ODF2L: variants seen among roughly 807,000 people sequenced by gnomAD.
ODF2L encodes the protein outer dense fiber of sperm tails 2 like.
Under a neutral mutation model 86.3 loss-of-function variants are expected in ODF2L, and 76 were observed. The observed-to-expected ratio is 0.88, with a 90% CI of 0.73 to 1.07. ODF2L has a LOEUF of 1.07. ODF2L is among the 50% of genes least tolerant of loss of function. ODF2L has a pLI of 0.00. For missense variants in ODF2L, 748 were observed against 717.4 expected (o/e 1.04, Z -0.49); for synonymous variants, 241 against 231.3 (o/e 1.04, Z -0.38).
At chr1:86,394,861 GAC>G (rs1558075094) in intron 1 of ODF2L, among the ~76,000 whole-genome samples, 2 of 76,920 alleles carry the variant, frequency 2.6e-5, no homozygotes. Context: ...TTTTTTTTGA[GAC>G]AGAGTCTCGC....
chr1:86,354,493 AT>A (rs1422615701), intron 16 of ODF2L, 36 bp downstream of exon 15: 2 of 1,381,584 alleles, frequency 1.4e-6, no homozygotes, highest in Non-Finnish European at 2.0e-6. Context: ...TCTTTGGTAA[AT>A]GAATTAAAAA....
intron 4 of ODF2L, 29 bp from the exon 5 acceptor site, chr1:86,383,225 T>C (rs368090495): frequency 2.3e-5 from 27 of 1,190,014 alleles, no homozygotes; most frequent in African/African-American, 1.9e-4. Context: ...AAATCAGTGA[T>C]CGCAAATTAT....
chr1:86,381,310 TCA>T (rs1044378635), intron 7 of ODF2L, among the ~76,000 whole-genome samples: 5 of 152,000 alleles, frequency 3.3e-5, no homozygotes, highest in African/African-American at 4.8e-5. Flanking sequence ...ATGTATTCAA[TCA>T]CATGTGTTCT....
intron 16 of ODF2L, among the ~76,000 whole-genome samples, 182 bp downstream of exon 15, chr1:86,354,348 T>A (rs1188940978): frequency 6.6e-6 from 1 of 152,222 alleles, no homozygotes; most frequent in Non-Finnish European, 1.5e-5. Flanking sequence ...TCTAGTGAAG[T>A]AGCTCTAGCC....
intron 1 of ODF2L, among the ~76,000 whole-genome samples, chr1:86,388,261 A>T (rs1164297139): frequency 2.6e-5 from 4 of 152,126 alleles, no homozygotes; most frequent in Admixed American, 2.6e-4. Flanking sequence ...CAAGTATACA[A>T]AATAAAATAA....
intron 10 of ODF2L, among the ~76,000 whole-genome samples, chr1:86,370,292 T>A (rs1320231647): frequency 6.6e-6 from 1 of 152,106 alleles, no homozygotes; most frequent in Non-Finnish European, 1.5e-5. Flanking sequence ...CTAAATATCA[T>A]TTAGTTAATT....
downstream of ODF2L, chr1:86,347,553 C>T (rs529233139): frequency 1.2e-4 from 19 of 152,070 alleles, no homozygotes; most frequent in African/African-American, 3.6e-4. Context: ...AAAAATACTA[C>T]GAACCAACTG....
chr1:86,373,431 C>A (rs1659949105), intron 8 of ODF2L, among the ~76,000 whole-genome samples: 1 of 149,848 alleles, frequency 6.7e-6, no homozygotes, highest in Admixed American at 6.7e-5. Flanking sequence ...TGTCTGCCAA[C>A]CACAGCCACC....
intron 7 of ODF2L, among the ~76,000 whole-genome samples, chr1:86,377,883 C>T (rs902870284): frequency 5.9e-5 from 9 of 152,202 alleles, no homozygotes; most frequent in Non-Finnish European, 1.3e-4. Context: ...ACATTTTCCC[C>T]ATTAATATTC....
intron 9 of ODF2L, 32 bp from the exon 10 acceptor site, chr1:86,371,185 G>A (rs1399932347): frequency 1.6e-6 from 2 of 1,244,246 alleles, no homozygotes; most frequent in Non-Finnish European, 2.2e-6. Context: ...TTTTATAAAA[G>A]TCATAAAAAT....
intron 2 of ODF2L, 165 bp from the exon 3 acceptor site, chr1:86,385,755 CTTTA>C: frequency 4.3e-6 from 2 of 467,532 alleles, no homozygotes; most frequent in South Asian, 9.1e-5. Flanking sequence ...TTTAAGAATA[CTTTA>C]TTTTACTTAT....
rs1039507027 is a variant in ODF2L, at chr1:86,360,504, T to TA, written c.1175dup (p.Ser393IlefsTer3). 6.3e-6 allele frequency: 10 copies of TA among 1,598,508 alleles called. No homozygotes were observed. Among genetic ancestry groups the TA allele is most frequent in the Non-Finnish European group, 8.6e-6 (10 of 1,168,784 alleles). ...ATTCTGAGAGTTCATTTTCAACAGA[T>TA]ACAACTTCATCCTTCAAAGCAGCAA... On this transcript the variant is annotated frameshift_variant, in exon 12 of 18. Transcript: ENST00000317336. LOFTEE classifies it high-confidence loss of function.
intron 12 of ODF2L, among the ~76,000 whole-genome samples, 184 bp from the exon 12 acceptor site, chr1:86,359,075 T>C (rs1658809566): frequency 6.6e-6 from 1 of 152,294 alleles, no homozygotes; most frequent in Admixed American, 6.5e-5. Flanking sequence ...ACCCACAATC[T>C]TTGTCTGATT....
chr1:86,379,986 T>C (rs1660452549), intron 7 of ODF2L, among the ~76,000 whole-genome samples: 1 of 152,198 alleles, frequency 6.6e-6, no homozygotes, highest in African/African-American at 2.4e-5. Flanking sequence ...TTTCAAATTA[T>C]TTTAAGACTG....
chr1:86,361,903 G>C (rs1008238386), intron 11 of ODF2L, among the ~76,000 whole-genome samples: 1 of 152,160 alleles, frequency 6.6e-6, no homozygotes, highest in Non-Finnish European at 1.5e-5. Flanking sequence ...CCTCCATGAA[G>C]CTTACATACT....
At chr1:86,348,898 A>G, downstream of ODF2L, 1 of 1,549,516 alleles carries the variant, frequency 6.5e-7, no homozygotes, top group Non-Finnish European at 8.6e-7. Flanking sequence ...AAAGGAAAAA[A>G]ATACAGATAA....
exon 7 of ODF2L, chr1:86,382,303 C>T (rs1264153380): frequency 3.1e-6 from 5 of 1,612,104 alleles, no homozygotes; most frequent in African/African-American, 1.3e-5. Context: ...GATCTGTAGT[C>T]GTTCATGTAC....
intron 2 of ODF2L, 192 bp from the exon 3 acceptor site, chr1:86,385,782 C>T: frequency 2.4e-6 from 1 of 420,008 alleles, no homozygotes; most frequent in Non-Finnish European, 4.2e-6. Context: ...TTTACTTGTA[C>T]GTAATCACAA....
chr1:86,368,852 G>T (rs1558029582), intron 10 of ODF2L: 1 of 694,840 alleles, frequency 1.4e-6, no homozygotes, highest in African/African-American at 1.8e-5. Flanking sequence ...CTTCTACGTT[G>T]ACTATATATT....
Sources: gnomAD v4.1 joint callset for allele counts (sites outside exome capture counted in the v4.1 genomes callset) on GRCh38, gnomAD v4.1.1 for gene constraint, MANE v1.5 for transcripts, NCBI Gene and HGNC (gene_info 2026-07-23, HGNC 2026-07-21) for gene names.